Variants in ELOVL7 observed in about 807,000 individuals in gnomAD.
ELOVL7 encodes ELOVL fatty acid elongase 7.
A neutral mutation model predicts 35.7 loss-of-function variants in ELOVL7; 27 were observed. That is an observed-to-expected ratio of 0.76 (90% CI 0.56 to 1.04). The LOEUF (loss-of-function observed/expected upper bound fraction) is 1.04, where lower values mean the gene tolerates loss of function less well. Among genes scored for constraint, ELOVL7 ranks in the 50% least tolerant of loss-of-function variants. ELOVL7 has a pLI of 0.00. For missense variants in ELOVL7, 327 were observed against 340.8 expected, an observed-to-expected ratio of 0.96 and a Z score of 0.32; for synonymous variants, 113 against 114.6, an observed-to-expected ratio of 0.99 and a Z score of 0.09.
intron 3 of ELOVL7, among the ~76,000 whole-genome samples, chr5:60,781,625 T>C (rs897190837): frequency 2.8e-4 from 42 of 152,224 alleles, no homozygotes; most frequent in Non-Finnish European, 4.7e-4. Context: ...TTAAGTCCTG[T>C]ACGTGACTTT....
At chr5:60,827,677 T>G (rs1234809034) in intron 1 of ELOVL7, among the ~76,000 whole-genome samples, 1 of 152,206 alleles carries the variant, frequency 6.6e-6, no homozygotes, top group Non-Finnish European at 1.5e-5. Context: ...ATGAAAGAAT[T>G]GCCCAGAAGA....
chr5:60,760,964 CA>C (rs1425495996), intron 7 of ELOVL7, among the ~76,000 whole-genome samples: 1 of 152,046 alleles, frequency 6.6e-6, no homozygotes, highest in Non-Finnish European at 1.5e-5. Flanking sequence ...GTTTACTGAT[CA>C]AAATAAGCTA....
chr5:60,800,891 C>T (rs1744569382), intron 1 of ELOVL7, among the ~76,000 whole-genome samples: 1 of 152,172 alleles, frequency 6.6e-6, no homozygotes, highest in Non-Finnish European at 1.5e-5. Context: ...AACTGTATTA[C>T]ACCATTAAGC....
At chr5:60,766,428 C>A in intron 6 of ELOVL7, 146 bp downstream of exon 6, 1 of 610,806 alleles carries the variant, frequency 1.6e-6, no homozygotes, top group Non-Finnish European at 2.9e-6. Context: ...AAAAAGATAA[C>A]AGTAGGTCTG....
At chr5:60,758,439 T>A (rs907277230) in intron 7 of ELOVL7, among the ~76,000 whole-genome samples, 3 of 152,206 alleles carry the variant, frequency 2.0e-5, no homozygotes, top group Non-Finnish European at 4.4e-5. Flanking sequence ...CATTAAATAA[T>A]TTTGGCAGTA....
intron 2 of ELOVL7, among the ~76,000 whole-genome samples, chr5:60,796,524 G>A (rs1744275992): frequency 6.6e-6 from 1 of 152,156 alleles, no homozygotes; most frequent in African/African-American, 2.4e-5. Context: ...TCCAGAAATT[G>A]CCAAACGTCC....
intron 1 of ELOVL7, among the ~76,000 whole-genome samples, chr5:60,831,468 A>G (rs142805273): frequency 0.014 from 2,117 of 152,336 alleles, 22 homozygotes; most frequent in Non-Finnish European, 0.021. Flanking sequence ...AAGTCCATCC[A>G]TAGACCAGCC....
At chr5:60,784,555 T>G (rs567139541) in intron 3 of ELOVL7, among the ~76,000 whole-genome samples, 1 of 152,302 alleles carries the variant, frequency 6.6e-6, no homozygotes, top group East Asian at 1.9e-4. Context: ...TGACCACTAC[T>G]TCTCTAGCAA....
intron 1 of ELOVL7, among the ~76,000 whole-genome samples, chr5:60,817,931 G>GT (rs1179762356): frequency 6.6e-6 from 1 of 151,112 alleles, no homozygotes; most frequent in African/African-American, 2.4e-5. Context: ...AGCAAAAGAA[G>GT]TGGAAACAAT....
intron 2 of ELOVL7, among the ~76,000 whole-genome samples, chr5:60,797,350 A>G (rs766777472): frequency 7.9e-4 from 121 of 152,218 alleles, no homozygotes; most frequent in Non-Finnish European, 7.8e-4. Context: ...ATCACCCTCC[A>G]TTCTCTTTTT....
intron 4 of ELOVL7, among the ~76,000 whole-genome samples, chr5:60,769,802 C>A (rs552606099): frequency 3.2e-4 from 48 of 152,212 alleles, no homozygotes; most frequent in African/African-American, 1.1e-3. Context: ...GTAATCCTAG[C>A]ACTTTGGGAG....
chr5:60,755,641 A>T (rs949673867), intron 8 of ELOVL7, among the ~76,000 whole-genome samples: 4 of 152,096 alleles, frequency 2.6e-5, no homozygotes, highest in Admixed American at 6.6e-5. Flanking sequence ...TGGGTGACAG[A>T]GCGAGATTCC....
chr5:60,814,584 T>G (rs1162265742), intron 1 of ELOVL7, among the ~76,000 whole-genome samples: 1 of 152,200 alleles, frequency 6.6e-6, no homozygotes, highest in Non-Finnish European at 1.5e-5. Context: ...TCCACTGACA[T>G]TATCACATTC....
At chr5:60,801,210 G>A (rs913076772) in intron 1 of ELOVL7, among the ~76,000 whole-genome samples, 1 of 152,146 alleles carries the variant, frequency 6.6e-6, no homozygotes, top group South Asian at 2.1e-4. Context: ...TTATAGGCAT[G>A]AGCCACTATG....
At chr5:60,803,223 T>C (rs1744745050) in intron 1 of ELOVL7, among the ~76,000 whole-genome samples, 1 of 151,994 alleles carries the variant, frequency 6.6e-6, no homozygotes, top group Admixed American at 6.6e-5. Context: ...TTCCATCCCA[T>C]CCCACAAGTC....
At chr5:60,793,384 C>T (rs544289677) in intron 2 of ELOVL7, among the ~76,000 whole-genome samples, 4 of 152,174 alleles carry the variant, frequency 2.6e-5, no homozygotes, top group African/African-American at 7.2e-5. Flanking sequence ...ATCTTCAAAG[C>T]GCTAGCTCAA....
At chr5:60,806,265 T>G (rs1410121664) in intron 1 of ELOVL7, among the ~76,000 whole-genome samples, 1 of 152,208 alleles carries the variant, frequency 6.6e-6, no homozygotes, top group Non-Finnish European at 1.5e-5. Context: ...TATCTGTTGC[T>G]TAAACTACCT....
intron 3 of ELOVL7, among the ~76,000 whole-genome samples, chr5:60,773,096 A>C (rs908028654): frequency 1.3e-5 from 2 of 152,238 alleles, no homozygotes; most frequent in African/African-American, 4.8e-5. Flanking sequence ...AGGCCAGCAG[A>C]GATGGATGAA....
At chr5:60,814,928 C>T (rs895113489) in intron 1 of ELOVL7, among the ~76,000 whole-genome samples, 2 of 152,228 alleles carry the variant, frequency 1.3e-5, no homozygotes, top group African/African-American at 2.4e-5. Context: ...TCCCCATTTA[C>T]TGCTCCTAAA....
Sources: gnomAD v4.1 joint callset for allele counts (sites outside exome capture counted in the v4.1 genomes callset) on GRCh38, gnomAD v4.1.1 for gene constraint, MANE v1.5 for transcripts, NCBI Gene and HGNC (gene_info 2026-07-23, HGNC 2026-07-21) for gene names.